The following SPIRE1 variants were observed in gnomAD, a reference collection of about 807,000 sequenced individuals.
The protein encoded by SPIRE1 is spire type actin nucleation factor 1, also known as protein spire homolog 1.
A neutral mutation model predicts 94.1 loss-of-function variants in SPIRE1; 40 were observed. The observed-to-expected ratio is 0.43, with a 90% confidence interval of 0.33 to 0.55. The LOEUF is 0.55. Ranked by LOEUF, SPIRE1 falls within the 20% of genes least tolerant of loss-of-function variation. SPIRE1 has a pLI of 0.06. For missense variants in SPIRE1, 838 were observed against 975.2 expected (o/e 0.86, Z 1.87); for synonymous variants, 376 against 371.7 (o/e 1.01, Z -0.13).
chr18:12,464,777 G>A lies in SPIRE1; in HGVS notation c.1495+91C>T. On this transcript the variant is annotated intron_variant, in intron 11 of 16. Coordinates refer to ENST00000409402, the MANE Select transcript of SPIRE1 (RefSeq NM_001128626.2). ...TGAGTTAGTTCTTTCTACCCTAGAT[G>A]ATCACAGGGCGCTCTGGGATCTCTG... 5.0e-6 allele frequency: 5 copies of A among 1,000,480 alleles called. No homozygotes were observed. The Admixed American group carries it at 1.0e-4, about 20-fold the overall frequency. The allele number at this position is 1,000,480 out of a possible 1,614,324, so 62.0% of individuals were successfully genotyped here.
intron 2 of SPIRE1, among the ~76,000 whole-genome samples, chr18:12,561,001 A>AAGCACAAC (rs1387953756): frequency 5.3e-5 from 8 of 152,218 alleles, no homozygotes; most frequent in African/African-American, 1.9e-4. Flanking sequence ...TTTGTAACAC[A>AAGCACAAC]AAGGATAAAT....
At chr18:12,450,101 G>A (rs2031157175) in intron 16 of SPIRE1, among the ~76,000 whole-genome samples, 1 of 152,038 alleles carries the variant, frequency 6.6e-6, no homozygotes. Flanking sequence ...GAGGCCTAGT[G>A]CGGTGGCTCA....
At chr18:12,538,505 C>T (rs1366756644) in intron 3 of SPIRE1, among the ~76,000 whole-genome samples, 2 of 152,114 alleles carry the variant, frequency 1.3e-5, no homozygotes, top group Non-Finnish European at 2.9e-5. Context: ...CTTTGGGTAT[C>T]CTCTGCTTAC....
chr18:12,525,531 T>C (rs1249471184), intron 4 of SPIRE1, among the ~76,000 whole-genome samples: 1 of 152,000 alleles, frequency 6.6e-6, no homozygotes, highest in Non-Finnish European at 1.5e-5. Flanking sequence ...TCTTTTCTCT[T>C]GCTGCTTTTA....
intron 12 of SPIRE1, among the ~76,000 whole-genome samples, chr18:12,455,201 G>C (rs1366758321): frequency 6.6e-6 from 1 of 152,168 alleles, no homozygotes; most frequent in East Asian, 1.9e-4. Flanking sequence ...GCCTCCCAAA[G>C]TGCTGGGATT....
At chr18:12,574,303 T>C (rs1233438551) in intron 2 of SPIRE1, among the ~76,000 whole-genome samples, 1 of 152,172 alleles carries the variant, frequency 6.6e-6, no homozygotes, top group East Asian at 1.9e-4. Flanking sequence ...GGATTAAAAA[T>C]GGGCCAGAGC....
intron 1 of SPIRE1, among the ~76,000 whole-genome samples, chr18:12,638,544 G>A (rs2037998453): frequency 6.6e-6 from 1 of 152,190 alleles, no homozygotes; most frequent in African/African-American, 2.4e-5. Context: ...ACAGAGTGAA[G>A]AGCACACTCT....
chr18:12,591,961 T>C lies in SPIRE1; in HGVS notation c.372+43101A>G, dbSNP rs1188631031. Reference sequence around the variant, plus strand: ...TCCAGCCTGGGCGACAGAGCAAGACTCCATCTCAAAAAAAAAAAAAAAAAA... The same window carrying C: ...TCCAGCCTGGGCGACAGAGCAAGACCCCATCTCAAAAAAAAAAAAAAAAAA... On this transcript the variant is annotated intron_variant, in intron 2 of 16. Coordinates refer to ENST00000409402, the MANE Select transcript of SPIRE1 (RefSeq NM_001128626.2). Among the ~76,000 whole-genome samples the C allele has an allele frequency of 7.1e-5, 6 of 84,908 alleles. No homozygotes were observed. The East Asian group carries it at 1.9e-3, about 26-fold the overall frequency. The allele number at this position is 84,908 out of a possible 152,430, so 55.7% of individuals were successfully genotyped here.
At chr18:12,461,466 A>G (rs1231362344) in intron 12 of SPIRE1, among the ~76,000 whole-genome samples, 1 of 150,304 alleles carries the variant, frequency 6.7e-6, no homozygotes, top group Admixed American at 6.6e-5. Context: ...ATGTATGTAC[A>G]TATGTACGTA....
rs184807290 is a variant in SPIRE1, at chr18:12,604,804, A to G, written c.372+30258T>C. Among the ~76,000 whole-genome samples, 332 of 152,310 alleles carry G rather than the reference A, an allele frequency of 2.2e-3. 1 individual carries two copies. Among genetic ancestry groups the G allele is most frequent in the Non-Finnish European group, 4.1e-3 (279 of 68,026 alleles). ...GAACTCTCTAGTGGGTGCACACTTA[A>G]GTTCATAGCAGCATTCTTCACAATG... On this transcript the variant is annotated intron_variant, in intron 2 of 16. Coordinates refer to ENST00000409402, the MANE Select transcript of SPIRE1 (RefSeq NM_001128626.2).
At chr18:12,615,345 A>AAAAAAAAAAAATATAT in intron 2 of SPIRE1, among the ~76,000 whole-genome samples, 4 of 17,242 alleles carry the variant, frequency 2.3e-4, no homozygotes, top group African/African-American at 3.5e-4. Context: ...AAAAAAAAAA[A>AAAAAAAAAAAATATAT]ATATATATAT....
At chr18:12,492,346 T>C (rs1280514995) in intron 8 of SPIRE1, among the ~76,000 whole-genome samples, 1 of 152,236 alleles carries the variant, frequency 6.6e-6, no homozygotes, top group Non-Finnish European at 1.5e-5. Flanking sequence ...TGGGCATTTT[T>C]AGTCTTACAA....
intron 2 of SPIRE1, among the ~76,000 whole-genome samples, chr18:12,613,252 G>C (rs894198264): frequency 1.3e-5 from 2 of 152,164 alleles, no homozygotes; most frequent in Non-Finnish European, 2.9e-5. Flanking sequence ...TTCATTAGCA[G>C]GGTTATTCTC....
chr18:12,514,061 C>T (rs374618083), intron 4 of SPIRE1, among the ~76,000 whole-genome samples: 90 of 152,078 alleles, frequency 5.9e-4, no homozygotes, highest in African/African-American at 1.9e-3. Flanking sequence ...GGGCTGGTGT[C>T]GAACTCGTCA....
chr18:12,624,767 G>C (rs1157315161), intron 2 of SPIRE1, among the ~76,000 whole-genome samples: 1 of 150,326 alleles, frequency 6.7e-6, no homozygotes, highest in Non-Finnish European at 1.5e-5. Context: ...GGGAGGCAGA[G>C]GTTGCAGTGA....
rs566338657 is a variant in SPIRE1 at position 12,558,667 on chromosome 18, G to GC, written c.373-11764dup. On this transcript the variant is annotated intron_variant, in intron 2 of 16. Transcript: ENST00000409402. ...AGCTACACACAGAGTGCTGACTGGT[G>GC]CATTTACAATCCTCTAGCTAGACAT... is the stretch of plus-strand genomic sequence containing the variant. Among the ~76,000 whole-genome samples the GC allele has an allele frequency of 2.4e-3, 358 of 152,298 alleles. 3 individuals carry two copies. The highest frequency in any genetic ancestry group is 0.015 in the South Asian group (70 of 4,824).
At chr18:12,451,080 A>G (rs902340540) in intron 16 of SPIRE1, 65 of 413,394 alleles carry the variant, frequency 1.6e-4, no homozygotes, top group Non-Finnish European at 2.6e-4. Flanking sequence ...TTGAAAAAAA[A>G]AAAAGAAATA....
chr18:12,541,518 T>C (rs1325852339), intron 3 of SPIRE1, among the ~76,000 whole-genome samples: 2 of 152,274 alleles, frequency 1.3e-5, no homozygotes, highest in Non-Finnish European at 2.9e-5. Context: ...CATAAATTTA[T>C]GAATGCTATT....
chr18:12,657,531 C>T lies in SPIRE1; in HGVS notation c.336G>A (p.Ala112=). The T allele has an allele frequency of 8.1e-7, 1 of 1,232,022 alleles. No individual in the cohort carries two copies. The highest frequency in any genetic ancestry group is 1.0e-6 in the Non-Finnish European group (1 of 987,450). The allele number at this position is 1,232,022 out of a possible 1,614,324, so 76.3% of individuals were successfully genotyped here. ...GGGAAAGGGGCCCGGCGGCCTCACC[C>T]GCAACTGGGGGCGGCTCTCCCGCGT... ...ADDAGEPPPV[A]GKLGYSQCME... Residue 112 remains alanine, a splice_region_variant and synonymous_variant, in exon 1 of 17, where the codon GCG becomes GCA. Transcript: ENST00000409402.
Sources: gnomAD v4.1 joint callset for allele counts (sites outside exome capture counted in the v4.1 genomes callset) on GRCh38, gnomAD v4.1.1 for gene constraint, MANE v1.5 for transcripts, NCBI Gene and HGNC (gene_info 2026-07-23, HGNC 2026-07-21) for gene names.